PRKAR1A: variants seen among roughly 807,000 people sequenced by gnomAD.
PRKAR1A encodes cAMP-dependent protein kinase type I-alpha regulatory subunit.
A neutral mutation model predicts 52.0 loss-of-function variants in PRKAR1A; 3 were observed. The ratio of observed to expected loss-of-function variants is 0.06; its 90% CI spans 0.03 to 0.15. The LOEUF is 0.15. Among genes scored for constraint, PRKAR1A ranks in the 10% least tolerant of loss-of-function variants. The probability of loss-of-function intolerance (pLI) is 1.00; values close to 1 mark genes in which losing one functional copy is unlikely to be tolerated. For synonymous variants in PRKAR1A, 188 were observed against 168.4 expected, an observed-to-expected ratio of 1.12 and a Z score of -0.90; for missense variants, 240 against 477.4, an observed-to-expected ratio of 0.50 and a Z score of 4.63.
At chr17:68,430,088 A>AG in the PRKAR1A span, 1 of 1,614,162 alleles carries the variant, frequency 6.2e-7, no homozygotes, top group East Asian at 2.2e-5. Context: ...ACACCTGGGT[A>AG]GGGAGGTAGT....
the PRKAR1A span, chr17:68,428,961 C>A: frequency 6.3e-7 from 1 of 1,578,680 alleles, no homozygotes. Context: ...AAACATAAAC[C>A]GTGATGACAA....
At chr17:68,527,109 G>A (rs1359740079) in intron 7 of PRKAR1A, among the ~76,000 whole-genome samples, 1 of 152,192 alleles carries the variant, frequency 6.6e-6, no homozygotes, top group East Asian at 1.9e-4. Context: ...AGAAGGAAGA[G>A]GTAGGACCTG....
chr17:68,419,838 G>T, the PRKAR1A span, among the ~76,000 whole-genome samples: 1 of 150,998 alleles, frequency 6.6e-6, no homozygotes, highest in African/African-American at 2.4e-5. Context: ...CATGCCTGTA[G>T]CCCCATCTAC....
chr17:68,414,894 T>A, the PRKAR1A span, among the ~76,000 whole-genome samples: 2 of 152,242 alleles, frequency 1.3e-5, no homozygotes, highest in Non-Finnish European at 2.9e-5. Flanking sequence ...GTTTTGTTTC[T>A]TATTGAGTTT....
At chr17:68,468,662 A>G in the PRKAR1A span, among the ~76,000 whole-genome samples, 1 of 152,188 alleles carries the variant, frequency 6.6e-6, no homozygotes, top group Non-Finnish European at 1.5e-5. Context: ...ACGAGGAATA[A>G]AAAGCTGGCT....
intron 11 of PRKAR1A, chr17:68,542,054 A>G (rs767988459): frequency 6.2e-7 from 1 of 1,613,994 alleles, no homozygotes; most frequent in African/African-American, 1.3e-5. Context: ...GGCCAGGTTG[A>G]GGGACGGCAG....
At chr17:68,457,239 A>G in the PRKAR1A span, 4 of 1,380,638 alleles carry the variant, frequency 2.9e-6, no homozygotes, top group Non-Finnish European at 3.9e-6. Flanking sequence ...CCTCCCGCCG[A>G]GGCCGCCTCG....
chr17:68,421,616 G>T, the PRKAR1A span: 2 of 980,626 alleles, frequency 2.0e-6, no homozygotes, highest in Non-Finnish European at 3.1e-6. Context: ...GAAGCTTGGT[G>T]AGGAGTTAAC....
the PRKAR1A span, chr17:68,444,667 C>CAT: frequency 3.4e-6 from 4 of 1,193,588 alleles, no homozygotes; most frequent in Admixed American, 8.8e-5. Flanking sequence ...ATTCATCTTT[C>CAT]ATATGAGTCC....
the PRKAR1A span, among the ~76,000 whole-genome samples, chr17:68,467,533 A>G: frequency 6.6e-6 from 1 of 152,158 alleles, no homozygotes; most frequent in Admixed American, 6.5e-5. Flanking sequence ...CCCTTGGGAC[A>G]TCTAACCAGT....
chr17:68,445,560 C>T, the PRKAR1A span, among the ~76,000 whole-genome samples: 1 of 152,320 alleles, frequency 6.6e-6, no homozygotes, highest in East Asian at 1.9e-4. Context: ...TCCTGGGCTC[C>T]TCTCTCTGGT....
At chr17:68,446,385 T>C in the PRKAR1A span, among the ~76,000 whole-genome samples, 1 of 152,084 alleles carries the variant, frequency 6.6e-6, no homozygotes, top group Non-Finnish European at 1.5e-5. Flanking sequence ...GGTTTCACTA[T>C]GTTGTCCAGG....
At chr17:68,437,948 T>TAAAAAAA in the PRKAR1A span, among the ~76,000 whole-genome samples, 144 of 78,780 alleles carry the variant, frequency 1.8e-3, 6 homozygotes, top group African/African-American at 6.4e-3. Flanking sequence ...ACATCTCTCT[T>TAAAAAAA]AAAAAAAAAA....
chr17:68,443,350 T>C, the PRKAR1A span, among the ~76,000 whole-genome samples: 1 of 152,172 alleles, frequency 6.6e-6, no homozygotes, highest in Non-Finnish European at 1.5e-5. Flanking sequence ...TAACCTCAGG[T>C]GATCCACCCG....
chr17:68,434,744 C>A, the PRKAR1A span: 1 of 970,142 alleles, frequency 1.0e-6, no homozygotes, highest in Non-Finnish European at 1.5e-6. Flanking sequence ...AGGAAGAACA[C>A]CACGTTGAGC....
At chr17:68,544,129 G>T (rs189715389) in intron 11 of PRKAR1A, among the ~76,000 whole-genome samples, 2 of 152,288 alleles carry the variant, frequency 1.3e-5, no homozygotes, top group Admixed American at 1.3e-4. Flanking sequence ...GAAAGGTGGG[G>T]TATGAGCCAG....
chr17:68,545,236 C>T (rs1332722956), intron 11 of PRKAR1A, among the ~76,000 whole-genome samples: 3 of 152,150 alleles, frequency 2.0e-5, no homozygotes, highest in Non-Finnish European at 2.9e-5. Flanking sequence ...AAAATTGGTC[C>T]TGTCACTGAA....
At chr17:68,426,100 A>T in the PRKAR1A span, 1 of 1,612,770 alleles carries the variant, frequency 6.2e-7, no homozygotes, top group Non-Finnish European at 8.5e-7. Context: ...CTCATCATCA[A>T]GACACACTGG....
At chr17:68,461,196 A>AAAAC in the PRKAR1A span, among the ~76,000 whole-genome samples, 8 of 152,216 alleles carry the variant, frequency 5.3e-5, no homozygotes, top group African/African-American at 7.2e-5. This position sits in a 1 kb window ranked among gnomAD's most constrained non-coding sequence, Gnocchi z 4.6. Context: ...CCTGAAAAAC[A>AAAAC]AAACAAACAA....
Sources: gnomAD v4.1 joint callset for allele counts (sites outside exome capture counted in the v4.1 genomes callset) on GRCh38, gnomAD v4.1.1 for gene constraint, Gnocchi (gnomAD v3.1) non-coding constraint, MANE v1.5 for transcripts, NCBI Gene and HGNC (gene_info 2026-07-23, HGNC 2026-07-21) for gene names.